The following CNTRL variants were observed in gnomAD, a reference collection of about 807,000 sequenced individuals.
CNTRL encodes centriolin.
Under a neutral mutation model 303.7 loss-of-function variants are expected in CNTRL, and 233 were observed. That is an observed-to-expected ratio of 0.77 (90% confidence interval 0.69 to 0.86). The LOEUF (loss-of-function observed/expected upper bound fraction) is 0.86. Among genes scored for constraint, CNTRL ranks in the 40% least tolerant of loss-of-function variants. CNTRL has a pLI of 0.00. For synonymous variants in CNTRL, 900 were observed against 922.2 expected (o/e 0.98, Z 0.44); for missense variants, 2,524 against 2,650.6 (o/e 0.95, Z 1.05).
intron 8 of CNTRL, among the ~76,000 whole-genome samples, chr9:121,110,477 C>G (rs184390778): frequency 6.6e-6 from 1 of 152,208 alleles, no homozygotes; most frequent in East Asian, 1.9e-4. Context: ...TACAGTTTAA[C>G]TCTCCAAGTG....
rs1222520936 is a variant in CNTRL, at chr9:121,177,356, C to A, written c.*170C>A. On this transcript the variant is annotated 3_prime_UTR_variant, in exon 44 of 44. Coordinates refer to ENST00000373855, the MANE Select transcript of CNTRL (RefSeq NM_007018.6). ...CATTAATGCCAATGTTTTTATAAAT[C>A]ACTTGTACATAGTACATATGGGAAT... 65 of 605,450 alleles carry A rather than the reference C, an allele frequency of 1.1e-4. No individual in the cohort carries two copies. The East Asian group carries it at 1.8e-3, about 16-fold the overall frequency. The allele number at this position is 605,450 out of a possible 1,614,324, so 37.5% of individuals were successfully genotyped here.
intron 12 of CNTRL, among the ~76,000 whole-genome samples, chr9:121,121,173 TGATGA>T (rs1271691122): frequency 6.6e-6 from 1 of 152,250 alleles, no homozygotes; most frequent in African/African-American, 2.4e-5. Flanking sequence ...AGCTTCACTT[TGATGA>T]GATATTATAG....
At chr9:121,082,524 A>G (rs2048179506) in intron 2 of CNTRL, among the ~76,000 whole-genome samples, 1 of 152,156 alleles carries the variant, frequency 6.6e-6, no homozygotes, top group Non-Finnish European at 1.5e-5. Context: ...TTGTTAGACA[A>G]TTTCATCATT....
intron 2 of CNTRL, among the ~76,000 whole-genome samples, chr9:121,081,847 A>G (rs975455896): frequency 6.6e-5 from 10 of 152,190 alleles, no homozygotes; most frequent in Non-Finnish European, 1.5e-4. Context: ...GCTACTGGTT[A>G]TCAAATCAAT....
At chr9:121,087,546 C>T (rs1400949895) in intron 2 of CNTRL, among the ~76,000 whole-genome samples, 1 of 152,016 alleles carries the variant, frequency 6.6e-6, no homozygotes, top group African/African-American at 2.4e-5. Flanking sequence ...CAAAAATTAG[C>T]CGGGCATGGT....
In CNTRL at chr9:121,158,122, A is replaced by G; in HGVS notation, c.4764+13A>G. 6.2e-7 allele frequency: 1 copy of G among 1,612,380 alleles called. No homozygotes were observed. The highest frequency in any genetic ancestry group is 1.1e-5 in the South Asian group (1 of 90,880). On this transcript the variant is annotated intron_variant, in intron 30 of 43. Transcript: ENST00000373855. ...GCTGAAAAGCCAGGTATGGCAATAG[A>G]CACCTTGAAAAAACAACTGACACAG...
chr9:121,171,057 A>T (rs910635806), intron 39 of CNTRL, among the ~76,000 whole-genome samples: 2 of 152,196 alleles, frequency 1.3e-5, no homozygotes, highest in African/African-American at 4.8e-5. Context: ...TACGCTGATA[A>T]CTAGTGATAG....
intron 8 of CNTRL, among the ~76,000 whole-genome samples, chr9:121,108,238 T>C (rs1385823942): frequency 6.6e-6 from 1 of 152,188 alleles, no homozygotes. Flanking sequence ...AAAACAACAT[T>C]GTAGGTGAGG....
At chr9:121,086,575 G>A (rs2048349591) in intron 2 of CNTRL, among the ~76,000 whole-genome samples, 7 of 151,996 alleles carry the variant, frequency 4.6e-5, no homozygotes, top group Admixed American at 3.9e-4. Context: ...GACAGATCAT[G>A]GGGGACCACC....
At chr9:121,115,499 C>T (rs2049936739) in intron 11 of CNTRL, among the ~76,000 whole-genome samples, 1 of 152,012 alleles carries the variant, frequency 6.6e-6, no homozygotes, top group African/African-American at 2.4e-5. Flanking sequence ...TAAGCACTCT[C>T]CACCTTTAAG....
chr9:121,088,175 T>C, intron 2 of CNTRL, 121 bp from the exon 3 acceptor site: 1 of 613,872 alleles, frequency 1.6e-6, no homozygotes, highest in Non-Finnish European at 2.9e-6. Context: ...CTTGGAGTAG[T>C]ATGGGTCCTA....
At position 121,141,502 on chromosome 9, in the gene CNTRL, C is replaced by A; in HGVS notation, c.2605C>A (p.Gln869Lys). 1 of 1,614,028 alleles carries A rather than the reference C, an allele frequency of 6.2e-7. No individual in the cohort carries two copies. The highest frequency in any genetic ancestry group is 1.3e-5 in the African/African-American group (1 of 74,990). Residue 869 changes from glutamine to lysine, a missense_variant, in exon 18 of 44, where the codon CAA becomes AAA. Gln to Lys is a moderately conservative substitution (Grantham distance 53, BLOSUM62 1). Coordinates refer to ENST00000373855, the MANE Select transcript of CNTRL (RefSeq NM_007018.6). Reference protein sequence around the residue: ...DEAQVRERKLQEEMALQQEKL... With the variant: ...DEAQVRERKLKEEMALQQEKL... ...AGCACAAGTTAGAGAGAGAAAACTC[C>A]AAGAAGAAATGGCTCTGCAGCAAGA...
chr9:121,167,419 T>C (rs1302029486), intron 36 of CNTRL, 70 bp from the exon 37 acceptor site: 7 of 1,259,066 alleles, frequency 5.6e-6, no homozygotes, highest in Non-Finnish European at 7.8e-6. Context: ...TAGTAGATAC[T>C]GGATTGGCAC....
intron 14 of CNTRL, among the ~76,000 whole-genome samples, chr9:121,133,484 G>T (rs2050994037): frequency 6.6e-6 from 1 of 152,252 alleles, no homozygotes; most frequent in Admixed American, 6.5e-5. Context: ...TGTGCTGTTT[G>T]CTAAGACCAT....
chr9:121,158,930 C>T lies in CNTRL; in HGVS notation c.4840C>T (p.Gln1614Ter). Residue 1614 changes from glutamine (Q) to a stop codon, truncating the protein, a stop_gained, in exon 31 of 44, where the codon CAA (glutamine) becomes TAA (stop). Coordinates refer to ENST00000373855, the MANE Select transcript of CNTRL (RefSeq NM_007018.6). LOFTEE classifies it high-confidence loss of function. ...GHKKEELHLL[Q>*]GSMVQAKADL... ...TAAAAAGGAGGAGCTGCATCTACTC[C>T]AAGGAAGCATGGTCCAGGCAAAAGC... The T allele has an allele frequency of 6.2e-7, 1 of 1,614,126 alleles. No homozygotes were observed. Among genetic ancestry groups the T allele is most frequent in the Non-Finnish European group, 8.5e-7 (1 of 1,179,998 alleles).
At position 121,074,972 on chromosome 9, in the gene CNTRL, A is replaced by G; in HGVS notation, c.-300A>G. 2.2e-6 allele frequency: 1 copy of G among 456,006 alleles called. No homozygotes were observed. The highest frequency in any genetic ancestry group is 1.5e-5 in the South Asian group (1 of 64,544). The allele number at this position is 456,006 out of a possible 1,614,324, so 28.2% of individuals were successfully genotyped here. A position where few individuals can be genotyped will look rare whatever the true frequency, so the allele number is the denominator to read the frequency against. ...CCCTCGGCAACCGGCACAACACAAC[A>G]AAATGGCTGCCGCGCCGCTGGGCCC... is the stretch of plus-strand genomic sequence containing the variant. On this transcript the variant is annotated 5_prime_UTR_variant, in exon 1 of 44. Transcript: ENST00000373855.
At chr9:121,161,249 T>A in intron 32 of CNTRL, 1 of 440,382 alleles carries the variant, frequency 2.3e-6, no homozygotes, top group South Asian at 5.4e-5. Flanking sequence ...GGTTTTCATT[T>A]TTTTCTCTTA....
intron 7 of CNTRL, among the ~76,000 whole-genome samples, chr9:121,103,626 G>A (rs954682281): frequency 6.6e-5 from 10 of 152,172 alleles, no homozygotes; most frequent in Non-Finnish European, 1.3e-4. Flanking sequence ...TACAGAATGG[G>A]AGAAAATTTT....
At chr9:121,084,056 A>G (rs998893714) in intron 2 of CNTRL, among the ~76,000 whole-genome samples, 1 of 152,206 alleles carries the variant, frequency 6.6e-6, no homozygotes, top group African/African-American at 2.4e-5. Flanking sequence ...AAACTACTTT[A>G]ACCTAATATC....
Sources: allele counts gnomAD v4.1 joint callset (sites outside exome capture counted in the v4.1 genomes callset), GRCh38; gene constraint gnomAD v4.1.1; transcripts MANE v1.5; gene names NCBI Gene and HGNC (gene_info 2026-07-23, HGNC 2026-07-21).